Variants in PDCD1LG2 observed in about 807,000 individuals in gnomAD.
PDCD1LG2 encodes the protein programmed cell death 1 ligand 2.
A neutral mutation model predicts 28.2 loss-of-function variants in PDCD1LG2; 32 were observed. That is an observed-to-expected ratio of 1.13 (90% CI 0.86 to 1.52). The LOEUF (loss-of-function observed/expected upper bound fraction) is 1.52, where lower values mean the gene tolerates loss of function less well. Among genes scored for constraint, PDCD1LG2 ranks in the 40% most tolerant of loss-of-function variants. The pLI, the probability that PDCD1LG2 is intolerant of heterozygous loss-of-function variation, is 0.00. For missense variants in PDCD1LG2, 385 were observed against 323.8 expected, an observed-to-expected ratio of 1.19 and a Z score of -1.45; for synonymous variants, 116 against 120.2, an observed-to-expected ratio of 0.97 and a Z score of 0.23.
intron 2 of PDCD1LG2, among the ~76,000 whole-genome samples, chr9:5,524,993 T>G (rs553087351): frequency 1.3e-5 from 2 of 152,306 alleles, no homozygotes; most frequent in African/African-American, 4.8e-5. Flanking sequence ...ATACCTGAAT[T>G]AAATCAATGT....
chr9:5,537,076 T>C (rs1820594140), intron 3 of PDCD1LG2, among the ~76,000 whole-genome samples: 1 of 152,226 alleles, frequency 6.6e-6, no homozygotes, highest in African/African-American at 2.4e-5. Flanking sequence ...GTATCTAATT[T>C]TCTGCTTTCA....
At chr9:5,565,763 G>A (rs1273308695) in intron 6 of PDCD1LG2, among the ~76,000 whole-genome samples, 2 of 151,948 alleles carry the variant, frequency 1.3e-5, no homozygotes, top group Non-Finnish European at 1.5e-5. Flanking sequence ...TTTAAAAGGT[G>A]TCTGATTTTG....
intron 3 of PDCD1LG2, among the ~76,000 whole-genome samples, chr9:5,543,162 G>A (rs891118549): frequency 6.6e-6 from 1 of 152,148 alleles, no homozygotes; most frequent in African/African-American, 2.4e-5. Flanking sequence ...TGCGAGCTAA[G>A]CTATGAGGAT....
At chr9:5,534,144 G>C (rs934869975) in intron 2 of PDCD1LG2, among the ~76,000 whole-genome samples, 1 of 152,102 alleles carries the variant, frequency 6.6e-6, no homozygotes, top group African/African-American at 2.4e-5. Flanking sequence ...CTTCTGGGAA[G>C]AAGCTCAGTG....
chr9:5,566,098 G>A (rs1189988058), intron 6 of PDCD1LG2, among the ~76,000 whole-genome samples: 1 of 147,720 alleles, frequency 6.8e-6, no homozygotes. Flanking sequence ...TGAGGAGAGT[G>A]TACAGCTCTA....
At chr9:5,536,747 C>G (rs1820587289) in intron 3 of PDCD1LG2, among the ~76,000 whole-genome samples, 2 of 152,192 alleles carry the variant, frequency 1.3e-5, no homozygotes, top group South Asian at 4.1e-4. Flanking sequence ...TGTTGGTCAT[C>G]AAACTGGGAT....
chr9:5,518,322 T>G (rs1242306130), intron 1 of PDCD1LG2, among the ~76,000 whole-genome samples: 1 of 152,224 alleles, frequency 6.6e-6, no homozygotes, highest in Non-Finnish European at 1.5e-5. Flanking sequence ...CAGTGTCTGT[T>G]CCTCGGTTTG....
intron 4 of PDCD1LG2, among the ~76,000 whole-genome samples, chr9:5,551,847 G>C (rs1192642697): frequency 6.6e-6 from 1 of 152,178 alleles, no homozygotes; most frequent in Non-Finnish European, 1.5e-5. Flanking sequence ...AGTCAGCTCT[G>C]CCACTGAGCC....
Position 5,510,723 on chromosome 9 carries a change from A to G in PDCD1LG2, c.-95A>G, listed in dbSNP as rs550067199. ...GGCTGTTCATTTTGGTGGCTACTAT[A>G]AGGAAATCTAACACAAACAGCAACT... On this transcript the variant is annotated 5_prime_UTR_variant, in exon 1 of 7. The change creates a new upstream start codon in the 5' untranslated region. Transcript: ENST00000397747. 1.1e-4 allele frequency: 17 copies of G among 152,644 alleles called. No individual in the cohort carries two copies. The highest frequency in any genetic ancestry group is 1.8e-4 in the Non-Finnish European group (12 of 68,040). The allele number at this position is 152,644 out of a possible 1,614,324, so 9.5% of individuals were successfully genotyped here.
At chr9:5,510,885 C>G (rs1820044372) in intron 1 of PDCD1LG2, 82 bp downstream of exon 1, 1 of 152,560 alleles carries the variant, frequency 6.6e-6, no homozygotes, top group South Asian at 2.1e-4. Flanking sequence ...GGAAGGGTGG[C>G]CTACCTTCTC....
Position 5,533,737 on chromosome 9 carries a change from C to T in PDCD1LG2, c.56-1008C>T, listed in dbSNP as rs369480483. On this transcript the variant is annotated intron_variant, in intron 2 of 6. Coordinates refer to ENST00000397747, the MANE Select transcript of PDCD1LG2 (RefSeq NM_025239.4). ...TTTGGTAAACTCTGAGTGGAAACTA[C>T]GGATTTTGTAGTCAAACATCTGACT... is the stretch of plus-strand genomic sequence containing the variant. 7.9e-5 allele frequency among the ~76,000 whole-genome samples: 12 copies of T among 151,960 alleles called. No individual in the cohort carries two copies. In the East Asian group the frequency reaches 1.5e-3, roughly 20 times the overall value.
chr9:5,525,775 A>G (rs12348448), intron 2 of PDCD1LG2, among the ~76,000 whole-genome samples: 55,930 of 151,994 alleles, frequency 0.37, 10,848 homozygotes, highest in Middle Eastern at 0.46. Context: ...GAGGCCGGGC[A>G]TGGTGGCTCA....
intron 6 of PDCD1LG2, among the ~76,000 whole-genome samples, chr9:5,563,510 T>G (rs568026782): frequency 1.3e-5 from 2 of 152,364 alleles, no homozygotes; most frequent in South Asian, 2.1e-4. Flanking sequence ...TCAACTGCGA[T>G]GCAATTGACA....
At chr9:5,522,974 G>C (rs1178714134) in intron 2 of PDCD1LG2, among the ~76,000 whole-genome samples, 2 of 152,286 alleles carry the variant, frequency 1.3e-5, no homozygotes, top group South Asian at 4.1e-4. Context: ...GGGAGAGTAA[G>C]GAGACAATGG....
chr9:5,522,742 A>AC (rs1491354746), intron 2 of PDCD1LG2, 141 bp downstream of exon 2: 9 of 259,978 alleles, frequency 3.5e-5, no homozygotes, highest in African/African-American at 6.9e-5. Context: ...CAAGCACCAC[A>AC]AAAAAAAAAA....
intron 6 of PDCD1LG2, among the ~76,000 whole-genome samples, chr9:5,563,538 A>G (rs1228664511): frequency 1.3e-5 from 2 of 152,250 alleles, no homozygotes; most frequent in Non-Finnish European, 2.9e-5. Flanking sequence ...TTTTTGCAAC[A>G]AACAATGATT....
chr9:5,529,418 C>T (rs1428945374), intron 2 of PDCD1LG2, among the ~76,000 whole-genome samples: 1 of 152,146 alleles, frequency 6.6e-6, no homozygotes, highest in East Asian at 1.9e-4. Flanking sequence ...CCATCCTTTC[C>T]CCATTCAATA....
chr9:5,511,855 T>G (rs971092880), intron 1 of PDCD1LG2, among the ~76,000 whole-genome samples: 4 of 152,232 alleles, frequency 2.6e-5, no homozygotes, highest in Non-Finnish European at 5.9e-5. Flanking sequence ...TCCATTGAAC[T>G]GGAGCTCCTC....
Position 5,569,287 on chromosome 9 carries a change from G to T in PDCD1LG2, c.817-667G>T, listed in dbSNP as rs1047571554. 1.3e-5 allele frequency among the ~76,000 whole-genome samples: 2 copies of T among 152,180 alleles called. No individual in the cohort carries two copies. Among genetic ancestry groups the T allele is most frequent in the African/African-American group, 4.8e-5 (2 of 41,438 alleles). ...CAGCAAGGGATACTGAGCATGCCAG[G>T]ATGCAAGAGCAGGCAGGGAAGGTGA... On this transcript the variant is annotated intron_variant, in intron 6 of 6. Transcript: ENST00000397747. The surrounding 1 kb of genome is among the most constrained non-coding windows in gnomAD (Gnocchi z 4.1).
Sources: gnomAD v4.1 joint callset for allele counts (sites outside exome capture counted in the v4.1 genomes callset) on GRCh38, gnomAD v4.1.1 for gene constraint, Gnocchi (gnomAD v3.1) non-coding constraint, MANE v1.5 for transcripts, NCBI Gene and HGNC (gene_info 2026-07-23, HGNC 2026-07-21) for gene names.